ANO4: variants seen among roughly 807,000 people sequenced by gnomAD.
ANO4 encodes the protein anoctamin 4.
A neutral mutation model predicts 141.9 loss-of-function variants in ANO4; 69 were observed. The observed-to-expected ratio is 0.49, with a 90% CI of 0.40 to 0.59. ANO4 has a LOEUF of 0.59. Ranked by LOEUF, ANO4 falls within the 20% of genes least tolerant of loss-of-function variation. The probability of loss-of-function intolerance (pLI) is 0.00; values close to 1 mark genes in which losing one functional copy is unlikely to be tolerated. For synonymous variants in ANO4, 350 were observed against 394.3 expected (o/e 0.89, Z 1.33); for missense variants, 894 against 1,162.2 (o/e 0.77, Z 3.36).
chr12:101,058,353 T>C (rs945890874), intron 14 of ANO4, among the ~76,000 whole-genome samples: 7 of 152,216 alleles, frequency 4.6e-5, no homozygotes, highest in African/African-American at 1.7e-4. Context: ...GGGCTCTTTT[T>C]TGGTTCCATA....
chr12:100,976,425 A>C (rs2044196860), intron 7 of ANO4, among the ~76,000 whole-genome samples: 1 of 152,236 alleles, frequency 6.6e-6, no homozygotes, highest in Admixed American at 6.5e-5. Context: ...AGTTGACATG[A>C]CATTTGGATT....
intron 16 of ANO4, among the ~76,000 whole-genome samples, chr12:101,086,112 G>A (rs1281207948): frequency 1.3e-5 from 2 of 151,382 alleles, no homozygotes; most frequent in African/African-American, 4.9e-5. Flanking sequence ...GTGTGTGTGT[G>A]TGTGTGTGTG....
At chr12:100,917,919 T>C (rs1219797958) in intron 2 of ANO4, among the ~76,000 whole-genome samples, 1 of 152,222 alleles carries the variant, frequency 6.6e-6, no homozygotes, top group Non-Finnish European at 1.5e-5. Context: ...ATTTCACATC[T>C]ATGGTTTAAT....
rs574126859 is a variant in ANO4, at chr12:100,866,939, C to G, written c.-140-34707C>G. Among the ~76,000 whole-genome samples, 5 of 152,312 alleles carry G rather than the reference C, an allele frequency of 3.3e-5. No individual in the cohort carries two copies. The South Asian group carries it at 1.0e-3, about 32-fold the overall frequency. ...AGCCCAACTTTGTAGAAGTTGTCTC[C>G]TCTCCTAGCTCCCACTGTAATTGAG... On this transcript the variant is annotated intron_variant, in intron 1 of 27. Coordinates refer to ENST00000392977, the MANE Select transcript of ANO4 (RefSeq NM_001286615.2).
chr12:101,099,641 A>T lies in ANO4; in HGVS notation c.2070A>T (p.Ile690=). The T allele has an allele frequency of 6.2e-7, 1 of 1,612,376 alleles. No individual in the cohort carries two copies. Among genetic ancestry groups the T allele is most frequent in the Non-Finnish European group, 8.5e-7 (1 of 1,179,396 alleles). The change falls in exon 22 of 28, where the codon ATA becomes ATT. Residue 690 remains isoleucine, a synonymous_variant. Transcript: ENST00000392977. Reference sequence around the variant, plus strand: ...AAGAACATGGACCTGAAAGGAAAATAAGTTTCCCACAATGGGAAAAGGACT... The same window carrying T: ...AAGAACATGGACCTGAAAGGAAAATTAGTTTCCCACAATGGGAAAAGGACT... The part of the protein sequence containing the change: ...VRQEHGPERK[I]SFPQWEKDYN...
intron 9 of ANO4, among the ~76,000 whole-genome samples, chr12:101,023,460 C>T (rs1378084837): frequency 6.6e-6 from 1 of 152,142 alleles, no homozygotes; most frequent in Admixed American, 6.5e-5. Context: ...TGCTTGAGCC[C>T]AAGAGTCTGA....
At chr12:100,985,639 T>G (rs1159232731) in intron 7 of ANO4, among the ~76,000 whole-genome samples, 1 of 152,110 alleles carries the variant, frequency 6.6e-6, no homozygotes, top group Non-Finnish European at 1.5e-5. Flanking sequence ...TTTAAGTATA[T>G]TTCTTTTGGG....
Position 100,914,013 on chromosome 12 carries a change from C to T in ANO4, c.56-8213C>T, listed in dbSNP as rs578129299. On this transcript the variant is annotated intron_variant, in intron 2 of 27. Transcript: ENST00000392977. ...TCCTAATCCTGAGTTTGTCTCTTCT[C>T]CTCATCTGCAAGAGCCCTCGTCATC... 1.5e-3 allele frequency among the ~76,000 whole-genome samples: 221 copies of T among 152,334 alleles called. 2 individuals are homozygous for T. Among genetic ancestry groups the T allele is most frequent in the African/African-American group, 5.1e-3 (211 of 41,562 alleles).
chr12:100,963,477 T>C (rs1021201516), intron 5 of ANO4, among the ~76,000 whole-genome samples: 1 of 151,680 alleles, frequency 6.6e-6, no homozygotes, highest in Non-Finnish European at 1.5e-5. Context: ...ACCAGGACAC[T>C]GTGTGTGTGT....
At chr12:100,902,484 G>A (rs1358657918) in intron 2 of ANO4, among the ~76,000 whole-genome samples, 2 of 152,168 alleles carry the variant, frequency 1.3e-5, no homozygotes, top group Non-Finnish European at 2.9e-5. Context: ...TGGGTTCAAG[G>A]AAATATCAGT....
At chr12:100,717,468 C>G (rs2030651925), upstream of ANO4, 5 of 397,722 alleles carry the variant, frequency 1.3e-5, no homozygotes, top group Non-Finnish European at 2.2e-5. Flanking sequence ...AGGGGCGCAG[C>G]GCGCAGGGGG....
intron 3 of ANO4, among the ~76,000 whole-genome samples, chr12:100,762,101 G>A (rs548549283): frequency 3.1e-4 from 47 of 152,258 alleles, no homozygotes; most frequent in Admixed American, 2.6e-3. Flanking sequence ...TCCCTTAATT[G>A]TGAGCATATC....
chr12:100,877,361 A>G (rs1487589420), intron 1 of ANO4, among the ~76,000 whole-genome samples: 1 of 151,228 alleles, frequency 6.6e-6, no homozygotes, highest in Non-Finnish European at 1.5e-5. Context: ...ATGATATTAT[A>G]TATATATATC....
chr12:100,721,701 C>T (rs1345061084), intron 1 of ANO4, among the ~76,000 whole-genome samples: 1 of 152,092 alleles, frequency 6.6e-6, no homozygotes, highest in African/African-American at 2.4e-5. Flanking sequence ...TTGTTTGAGA[C>T]AATGTCTCAC....
At chr12:100,768,807 C>T (rs1014033162) in intron 3 of ANO4, among the ~76,000 whole-genome samples, 3 of 151,906 alleles carry the variant, frequency 2.0e-5, no homozygotes, top group Non-Finnish European at 4.4e-5. Context: ...TTTATATTTC[C>T]CATAGTGAGT....
intron 3 of ANO4, among the ~76,000 whole-genome samples, chr12:100,784,032 G>A (rs1012874145): frequency 6.6e-6 from 1 of 152,104 alleles, no homozygotes; most frequent in Admixed American, 6.5e-5. Flanking sequence ...GCTGCCTACG[G>A]CAAGTGCAAT....
chr12:101,042,932 G>A (rs759980962), intron 12 of ANO4, among the ~76,000 whole-genome samples: 2 of 152,154 alleles, frequency 1.3e-5, no homozygotes, highest in East Asian at 1.9e-4. Context: ...CAGAATATAG[G>A]TCAAGGTACT....
In ANO4 at chr12:101,128,456, T is replaced by C. The variant is rs1037114996; in HGVS notation, c.*600T>C. On this transcript the variant is annotated 3_prime_UTR_variant, in exon 28 of 28. Transcript: ENST00000392977. ...ATGTATAGTCATGTATTCCTGCATA[T>C]GTACATACAAATACAGAGATATATA... 4.0e-4 allele frequency: 61 copies of C among 152,648 alleles called. 2 individuals are homozygous for C. The highest frequency in any genetic ancestry group is 2.9e-5 in the Non-Finnish European group (2 of 68,042). The allele number at this position is 152,648 out of a possible 1,614,324, so 9.5% of individuals were successfully genotyped here. A position where few individuals can be genotyped will look rare whatever the true frequency, so the allele number is the denominator to read the frequency against.
At chr12:100,951,521 A>G (rs1419903417) in intron 5 of ANO4, among the ~76,000 whole-genome samples, 3 of 152,218 alleles carry the variant, frequency 2.0e-5, no homozygotes, top group Non-Finnish European at 4.4e-5. Context: ...GAACAAGATC[A>G]TGTTCTTTGT....
Sources: allele counts gnomAD v4.1 joint callset (sites outside exome capture counted in the v4.1 genomes callset), GRCh38; gene constraint gnomAD v4.1.1; transcripts MANE v1.5; gene names NCBI Gene and HGNC (gene_info 2026-07-23, HGNC 2026-07-21).